GAPDH: variants seen among roughly 807,000 people sequenced by gnomAD.
The protein encoded by GAPDH is OCAS, p38 component.
Under a neutral mutation model 31.2 loss-of-function variants are expected in GAPDH, and 13 were observed. The ratio of observed to expected loss-of-function variants is 0.42; its 90% CI spans 0.27 to 0.66. GAPDH has a LOEUF of 0.66. Ranked by LOEUF, GAPDH falls within the 30% of genes least tolerant of loss-of-function variation. The probability of loss-of-function intolerance (pLI) is 0.26; values close to 1 mark genes in which losing one functional copy is unlikely to be tolerated. For synonymous variants in GAPDH, 211 were observed against 166.9 expected, an observed-to-expected ratio of 1.26 and a Z score of -2.04; for missense variants, 300 against 443.7, an observed-to-expected ratio of 0.68 and a Z score of 2.91.
intron 2 of GAPDH, chr12:6,535,079 C>T (rs886798192): frequency 8.9e-6 from 7 of 785,758 alleles, no homozygotes; most frequent in African/African-American, 7.4e-5. Context: ...CCCGGAGCCT[C>T]CTTCCCCTAG....
chr12:6,536,049 G>T (rs1483554521), intron 2 of GAPDH, among the ~76,000 whole-genome samples: 1 of 152,228 alleles, frequency 6.6e-6, no homozygotes, highest in Non-Finnish European at 1.5e-5. Flanking sequence ...GAGAAGGGGT[G>T]GGCTTGCCCT....
chr12:6,536,484 T>G lies in GAPDH; in HGVS notation c.30-10T>G. ...CCCCTCCTCATGCCTTCTTGCCTCTTGTCTCTTAGATTTGGTCGTATTGGG... is the reference window on the plus strand; with the variant it reads ...CCCCTCCTCATGCCTTCTTGCCTCTGGTCTCTTAGATTTGGTCGTATTGGG... On this transcript the variant is annotated splice_polypyrimidine_tract_variant and intron_variant, in intron 2 of 8. Transcript: ENST00000229239. 6.2e-7 allele frequency: 1 copy of G among 1,606,848 alleles called. No homozygotes were observed. Among genetic ancestry groups the G allele is most frequent in the Non-Finnish European group, 8.5e-7 (1 of 1,174,284 alleles).
chr12:6,534,761 T>G (rs3741915), intron 1 of GAPDH, 49 bp from the exon 2 acceptor site: 417,976 of 1,499,314 alleles, frequency 0.28, 64,037 homozygotes, highest in African/African-American at 0.56. Flanking sequence ...GGGAGGCGTG[T>G]GTGTCGGCCG....
At chr12:6,536,380 C>G in intron 2 of GAPDH, 114 bp from the exon 3 acceptor site, 2 of 787,532 alleles carry the variant, frequency 2.5e-6, no homozygotes, top group Non-Finnish European at 4.4e-6. Flanking sequence ...CTTGGGCCCT[C>G]CTGGGGGTAA....
Position 6,538,338 on chromosome 12 carries a change from A to G in GAPDH, c.*168A>G, listed in dbSNP as rs1565556039. 6 of 617,330 alleles carry G rather than the reference A, an allele frequency of 9.7e-6. 1 individual carries two copies. In the South Asian group the frequency reaches 1.1e-4, roughly 12 times the overall value. 38.2% of individuals were successfully genotyped at this position (617,330 alleles called of 1,614,324 possible). On this transcript the variant is annotated 3_prime_UTR_variant, in exon 9 of 9. Coordinates refer to ENST00000229239, the MANE Select transcript of GAPDH (RefSeq NM_002046.7). ...GGGGCCTAGGGAGCCGCACCTTGTC[A>G]TGTACCATCAATAAAGTACCCTGTG... is the stretch of plus-strand genomic sequence containing the variant.
rs572265558 is a variant in GAPDH at position 6,537,157 on chromosome 12, C to A, written c.384C>A (p.Ala128=). The A allele has an allele frequency of 6.2e-6, 10 of 1,613,740 alleles. No homozygotes were observed. In the East Asian group the frequency reaches 2.0e-4, roughly 32 times the overall value. ...RVIISAPSAD[A]PMFVMGVNHE... is the part of the protein sequence containing the mutation. ...TCATCTCTGCCCCCTCTGCTGATGC[C>A]CCCATGTTCGTCATGGGTGTGAACC... Residue 128 remains alanine (A), a synonymous_variant, in exon 6 of 9, where the codon GCC becomes GCA. Transcript: ENST00000229239. The surrounding 1 kb of genome is among the most constrained non-coding windows in gnomAD (Gnocchi z 4.9).
chr12:6,535,531 G>GGCTGTGGCATGGT (rs1946444727), intron 2 of GAPDH: 1 of 829,260 alleles, frequency 1.2e-6, no homozygotes, highest in African/African-American at 1.8e-5. Context: ...GAGGTGTGGT[G>GGCTGTGGCATGGT]GCTGTGGCAT....
intron 2 of GAPDH, among the ~76,000 whole-genome samples, chr12:6,536,209 C>T (rs1008683295): frequency 6.6e-6 from 1 of 152,334 alleles, no homozygotes; most frequent in Non-Finnish European, 1.5e-5. Flanking sequence ...ATGTACAAAG[C>T]TTGTGCCCAG....
In GAPDH at chr12:6,534,830, A is replaced by G; in HGVS notation, c.-3A>G. ...CGCAGCCGAGCCACATCGCTCAGAC[A>G]CCATGGGGAAGGTGAAGGTCGGAGT... On this transcript the variant is annotated 5_prime_UTR_variant, in exon 2 of 9. Coordinates refer to ENST00000229239, the MANE Select transcript of GAPDH (RefSeq NM_002046.7). 6.2e-7 allele frequency: 1 copy of G among 1,613,532 alleles called. No homozygotes were observed. Among genetic ancestry groups the G allele is most frequent in the Non-Finnish European group, 8.5e-7 (1 of 1,179,746 alleles).
rs781161645 is a variant in GAPDH, at chr12:6,538,098, T to C, written c.939-3T>C. ...GGCCCTGACAACTCTTTTCATCTTCTAGGTATGACAACGAATTTGGCTACA... is the reference window on the plus strand; with the variant it reads ...GGCCCTGACAACTCTTTTCATCTTCCAGGTATGACAACGAATTTGGCTACA... On this transcript the variant is annotated splice_polypyrimidine_tract_variant and splice_region_variant and intron_variant, in intron 8 of 8. Transcript: ENST00000229239. 72 of 1,593,574 alleles carry C rather than the reference T, an allele frequency of 4.5e-5. No homozygotes were observed. The highest frequency in any genetic ancestry group is 5.3e-5 in the Non-Finnish European group (62 of 1,179,340).
chr12:6,536,402 A>G (rs181167499), intron 2 of GAPDH, 92 bp from the exon 3 acceptor site: 1 of 900,280 alleles, frequency 1.1e-6, no homozygotes, highest in Non-Finnish European at 1.8e-6. Context: ...GAGATGCTGC[A>G]TTCGCCCTCT....
rs1238666030 is a variant in GAPDH at position 6,534,860 on chromosome 12, G to A, written c.28G>A (p.Gly10Arg). MGKVKVGVNGFGRIGRLVTR... is the reference protein window; with the variant it reads MGKVKVGVNRFGRIGRLVTR... ...GGGGAAGGTGAAGGTCGGAGTCAACGGGTGAGTTCGCGGGTGGCTGGGGGG... is the reference window on the plus strand; with the variant it reads ...GGGGAAGGTGAAGGTCGGAGTCAACAGGTGAGTTCGCGGGTGGCTGGGGGG... Residue 10 changes from glycine to arginine, a missense_variant and splice_region_variant, in exon 2 of 9, where the codon GGA becomes AGA. Coordinates refer to ENST00000229239, the MANE Select transcript of GAPDH (RefSeq NM_002046.7). The A allele has an allele frequency of 6.2e-7, 1 of 1,613,304 alleles. No homozygotes were observed. Among genetic ancestry groups the A allele is most frequent in the Non-Finnish European group, 8.5e-7 (1 of 1,179,632 alleles).
chr12:6,536,447 C>A (rs1946467196), intron 2 of GAPDH, 47 bp from the exon 3 acceptor site: 1 of 1,380,054 alleles, frequency 7.2e-7, no homozygotes, highest in Non-Finnish European at 1.0e-6. Flanking sequence ...CTCACATATT[C>A]TGGAGGAGCC....
At chr12:6,536,454 A>G (rs776313495) in intron 2 of GAPDH, 40 bp from the exon 3 acceptor site, 1 of 1,431,140 alleles carries the variant, frequency 7.0e-7, no homozygotes, top group Non-Finnish European at 9.9e-7. Context: ...ATTCTGGAGG[A>G]GCCTCCCCTC....
Position 6,536,916 on chromosome 12 carries a change from A to T in GAPDH, c.237-4A>T, listed in dbSNP as rs1377114604. On this transcript the variant is annotated splice_polypyrimidine_tract_variant and splice_region_variant and intron_variant, in intron 4 of 8. Transcript: ENST00000229239. ...CTGTCCCCATCTCCCCCCCACCCCC[A>T]TAGGCGAGATCCCTCCAAAATCAAG... 7 of 1,339,632 alleles carry T rather than the reference A, an allele frequency of 5.2e-6. No individual in the cohort carries two copies. Among genetic ancestry groups the T allele is most frequent in the Admixed American group, 1.8e-5 (1 of 55,968 alleles). 83.0% of individuals were successfully genotyped at this position (1,339,632 alleles called of 1,614,324 possible).
At chr12:6,535,242 A>G in intron 2 of GAPDH, 1 of 1,072,586 alleles carries the variant, frequency 9.3e-7, no homozygotes, top group Non-Finnish European at 1.1e-6. Context: ...CCGGGATGCT[A>G]GTGCGCAGCG....
Position 6,537,300 on chromosome 12 carries a change from T to C in GAPDH, c.444-9T>C, listed in dbSNP as rs1279654099. Reference sequence around the variant, plus strand: ...CCTGACTTGCGCCCCGCTCCCTCTTTCTTTGCAGCAATGCCTCCTGCACCA... The same window carrying C: ...CCTGACTTGCGCCCCGCTCCCTCTTCCTTTGCAGCAATGCCTCCTGCACCA... On this transcript the variant is annotated splice_polypyrimidine_tract_variant and intron_variant, in intron 6 of 8. Coordinates refer to ENST00000229239, the MANE Select transcript of GAPDH (RefSeq NM_002046.7). The surrounding 1 kb of genome is among the most constrained non-coding windows in gnomAD (Gnocchi z 4.9). The C allele has an allele frequency of 6.3e-7, 1 of 1,599,688 alleles. No individual in the cohort carries two copies. The highest frequency in any genetic ancestry group is 8.5e-7 in the Non-Finnish European group (1 of 1,179,252).
At position 6,536,756 on chromosome 12, in the gene GAPDH, G is replaced by A. The variant is rs749674237; in HGVS notation, c.202G>A (p.Val68Ile). The A allele has an allele frequency of 1.2e-6, 2 of 1,613,958 alleles. No individual in the cohort carries two copies. Among genetic ancestry groups the A allele is most frequent in the Non-Finnish European group, 1.7e-6 (2 of 1,179,984 alleles). The change falls in exon 4 of 9, where the codon GTC becomes ATC. Residue 68 changes from valine to isoleucine, a missense_variant. Coordinates refer to ENST00000229239, the MANE Select transcript of GAPDH (RefSeq NM_002046.7). ...CGTCAAGGCTGAGAACGGGAAGCTT[G>A]TCATCAATGGAAATCCCATCACCAT... ...GTVKAENGKL[V>I]INGNPITIFQ...
intron 2 of GAPDH, among the ~76,000 whole-genome samples, chr12:6,535,948 G>C (rs1946454270): frequency 6.6e-6 from 1 of 152,174 alleles, no homozygotes; most frequent in Non-Finnish European, 1.5e-5. Flanking sequence ...AGGCAACTTG[G>C]CAAATCAAAG....
Sources: gnomAD v4.1 joint callset for allele counts (sites outside exome capture counted in the v4.1 genomes callset) on GRCh38, gnomAD v4.1.1 for gene constraint, Gnocchi (gnomAD v3.1) non-coding constraint, MANE v1.5 for transcripts, NCBI Gene and HGNC (gene_info 2026-07-23, HGNC 2026-07-21) for gene names.